The following CUX2 variants were observed in gnomAD, a reference collection of about 807,000 sequenced individuals.
The protein encoded by CUX2 is homeobox protein cut-like 2.
In CUX2, 40 loss-of-function variants were observed where a neutral mutation model predicts 144.8. The observed-to-expected ratio is 0.28, with a 90% CI of 0.21 to 0.36. CUX2 has a LOEUF of 0.36. Among genes scored for constraint, CUX2 ranks in the 10% least tolerant of loss-of-function variants. The pLI is 1.00. For synonymous variants in CUX2, 827 were observed against 875.6 expected (o/e 0.94, Z 0.98); for missense variants, 1,615 against 1,994.0 (o/e 0.81, Z 3.62).
intron 1 of CUX2, among the ~76,000 whole-genome samples, chr12:111,079,872 G>A (rs1460713623): frequency 1.3e-5 from 2 of 152,126 alleles, no homozygotes; most frequent in Non-Finnish European, 2.9e-5. Context: ...GTGACAAGCA[G>A]GTGCCCACAA....
At chr12:111,123,499 G>A (rs1874826549) in intron 1 of CUX2, among the ~76,000 whole-genome samples, 1 of 147,842 alleles carries the variant, frequency 6.8e-6, no homozygotes, top group South Asian at 2.2e-4. Context: ...CAGGCACTTT[G>A]TATGTGTTGG....
At chr12:111,130,856 G>A (rs1875424132) in intron 1 of CUX2, among the ~76,000 whole-genome samples, 1 of 152,180 alleles carries the variant, frequency 6.6e-6, no homozygotes, top group Non-Finnish European at 1.5e-5. Flanking sequence ...CTAACTCCCA[G>A]GCTGCAACAT....
At chr12:111,301,455 C>T (rs1196628830) in intron 9 of CUX2, among the ~76,000 whole-genome samples, 1 of 151,962 alleles carries the variant, frequency 6.6e-6, no homozygotes, top group Non-Finnish European at 1.5e-5. Context: ...GAGACAAGGA[C>T]GCTGGCTGTT....
At chr12:111,334,966 A>C (rs7957169) in intron 19 of CUX2, among the ~76,000 whole-genome samples, 56,126 of 152,164 alleles carry the variant, frequency 0.37, 12,114 homozygotes, top group East Asian at 0.71. Flanking sequence ...GTGTTGGTGC[A>C]TGCCTGTAGT....
In CUX2 at chr12:111,310,345, C is replaced by G. The variant is rs1886830073; in HGVS notation, c.1563C>G (p.Ala521=). 1 of 1,550,196 alleles carries G rather than the reference C, an allele frequency of 6.5e-7. No individual in the cohort carries two copies. The highest frequency in any genetic ancestry group is 8.7e-7 in the Non-Finnish European group (1 of 1,144,954). Residue 521 remains alanine (A), a synonymous_variant, in exon 15 of 22, where the codon GCC becomes GCG. Coordinates refer to ENST00000261726, the MANE Select transcript of CUX2 (RefSeq NM_015267.4). This position sits in a 1 kb window ranked among gnomAD's most constrained non-coding sequence, Gnocchi z 7.9. ...FYGAKPPTAP[A]TPAPGPEPLG... is the part of the protein sequence containing the mutation. ...GCGCCAAGCCCCCCACAGCCCCTGC[C>G]ACCCCGGCCCCTGGCCCTGAGCCAC... is the stretch of plus-strand genomic sequence containing the variant.
At chr12:111,242,703 A>G (rs922682616) in intron 3 of CUX2, among the ~76,000 whole-genome samples, 1 of 152,072 alleles carries the variant, frequency 6.6e-6, no homozygotes. Context: ...AATCCCAGGT[A>G]CTCCAGAGGC....
rs1227047616 is a variant in CUX2 at position 111,328,941 on chromosome 12, A to ATCTCTCTCTC, written c.2927-5475_2927-5466dup. Among the ~76,000 whole-genome samples, 234 of 28,982 alleles carry ATCTCTCTCTC rather than the reference A, an allele frequency of 8.1e-3. 20 individuals are homozygous for ATCTCTCTCTC. Among genetic ancestry groups the ATCTCTCTCTC allele is most frequent in the South Asian group, 0.016 (4 of 248 alleles). 19.0% of individuals were successfully genotyped at this position (28,982 alleles called of 152,430 possible). On this transcript the variant is annotated intron_variant, in intron 18 of 21. Coordinates refer to ENST00000261726, the MANE Select transcript of CUX2 (RefSeq NM_015267.4). The stretch of plus-strand genomic sequence containing the variant: ...CACTCTGCATTTTTTTGATTCACCT[A>ATCTCTCTCTC]TCTCTCTCTCTCTCTCTCTCTCTCT...
rs564294854 is a variant in CUX2, at chr12:111,346,203, C to T, written c.3660-1321C>T. Among the ~76,000 whole-genome samples the T allele has an allele frequency of 7.3e-5, 11 of 149,706 alleles. No homozygotes were observed. The East Asian group carries it at 1.6e-3, about 22-fold the overall frequency. Reference sequence around the variant, plus strand: ...GAAAATGAAATAAACAGGCTGGGTGCGGTGGCTCACACCTGTAATCCCAAC... The same window carrying T: ...GAAAATGAAATAAACAGGCTGGGTGTGGTGGCTCACACCTGTAATCCCAAC... On this transcript the variant is annotated intron_variant, in intron 21 of 21. Transcript: ENST00000261726.
At chr12:111,257,081 T>C (rs563546637) in intron 3 of CUX2, among the ~76,000 whole-genome samples, 17 of 152,144 alleles carry the variant, frequency 1.1e-4, no homozygotes, top group African/African-American at 3.6e-4. Flanking sequence ...CTAAACACAT[T>C]GTCACCCCTC....
At chr12:111,309,835 T>C (rs1280704353) in intron 14 of CUX2, among the ~76,000 whole-genome samples, 5 of 149,400 alleles carry the variant, frequency 3.3e-5, no homozygotes, top group Non-Finnish European at 7.4e-5. Flanking sequence ...GTCTCTCTCA[T>C]TGTCTCTTTC....
chr12:111,321,239 C>G (rs556077063), intron 17 of CUX2, among the ~76,000 whole-genome samples: 1 of 151,990 alleles, frequency 6.6e-6, no homozygotes, highest in East Asian at 1.9e-4. Context: ...GAGGCTGAGG[C>G]GGGCAGATCA....
chr12:111,207,889 A>C (rs921544510), intron 1 of CUX2, among the ~76,000 whole-genome samples: 8 of 152,172 alleles, frequency 5.3e-5, no homozygotes, highest in African/African-American at 1.9e-4. Flanking sequence ...ATTTAAGCTG[A>C]CACACAAAGA....
rs1006599714 is a variant in CUX2 at position 111,035,393 on chromosome 12, C to T, written c.63+1153C>T. Among the ~76,000 whole-genome samples the T allele has an allele frequency of 2.7e-4, 41 of 152,220 alleles. No homozygotes were observed. The highest frequency in any genetic ancestry group is 9.4e-4 in the African/African-American group (39 of 41,548). ...CTGGGAGGTGGAATCTCAGAGAACGCACCGTGGAGGCGCGGCTCCGGCCTC... is the reference window on the plus strand; with the variant it reads ...CTGGGAGGTGGAATCTCAGAGAACGTACCGTGGAGGCGCGGCTCCGGCCTC... On this transcript the variant is annotated intron_variant, in intron 1 of 21. Transcript: ENST00000261726. The surrounding 1 kb of genome is among the most constrained non-coding windows in gnomAD (Gnocchi z 6.0).
At chr12:111,177,553 G>A (rs1219971606) in intron 1 of CUX2, among the ~76,000 whole-genome samples, 1 of 152,178 alleles carries the variant, frequency 6.6e-6, no homozygotes, top group Non-Finnish European at 1.5e-5. Context: ...ACCACGCCTG[G>A]CTAATTTTTG....
chr12:111,126,075 C>T lies in CUX2; in HGVS notation c.64-88125C>T, dbSNP rs372762549. On this transcript the variant is annotated intron_variant, in intron 1 of 21. Transcript: ENST00000261726. ...GGGCGGATTTATTATAAGGAATTGG[C>T]TCATGTGTTCATGGAGGCTGAGAAG... Among the ~76,000 whole-genome samples the T allele has an allele frequency of 3.0e-4, 45 of 149,158 alleles. 1 individual carries two copies. The South Asian group carries it at 9.6e-3, about 32-fold the overall frequency.
At chr12:111,138,633 A>C (rs1054169663) in intron 1 of CUX2, among the ~76,000 whole-genome samples, 2 of 152,070 alleles carry the variant, frequency 1.3e-5, no homozygotes, top group African/African-American at 4.8e-5. Flanking sequence ...GAATGCTAGG[A>C]AGGAGAGCCA....
At chr12:111,326,678 C>A (rs1328123503) in intron 18 of CUX2, among the ~76,000 whole-genome samples, 1 of 151,946 alleles carries the variant, frequency 6.6e-6, no homozygotes, top group Non-Finnish European at 1.5e-5. Context: ...CCGAGGCGGG[C>A]CGATCACTTG....
At chr12:111,206,865 A>G (rs1880948241) in intron 1 of CUX2, among the ~76,000 whole-genome samples, 1 of 152,204 alleles carries the variant, frequency 6.6e-6, no homozygotes, top group Non-Finnish European at 1.5e-5. Context: ...AATTGGATGA[A>G]TAGATAAAGG....
chr12:111,339,670 G>C (rs1240413934), intron 20 of CUX2: 1 of 152,186 alleles, frequency 6.6e-6, no homozygotes, highest in Admixed American at 6.5e-5. Context: ...TATTTCCAAA[G>C]GTTCAAAGTC....
Sources: gnomAD v4.1 joint callset for allele counts (sites outside exome capture counted in the v4.1 genomes callset) on GRCh38, gnomAD v4.1.1 for gene constraint, Gnocchi (gnomAD v3.1) non-coding constraint, MANE v1.5 for transcripts, NCBI Gene and HGNC (gene_info 2026-07-23, HGNC 2026-07-21) for gene names.